The following MYO3A variants were observed in gnomAD, a reference collection of about 807,000 sequenced individuals.
The protein encoded by MYO3A is myosin IIIA.
In MYO3A, 180 loss-of-function variants were observed where a neutral mutation model predicts 192.7. That is an observed-to-expected ratio of 0.93 (90% CI 0.83 to 1.06). The LOEUF (loss-of-function observed/expected upper bound fraction) is 1.06, where lower values mean the gene tolerates loss of function less well. Ranked by LOEUF, MYO3A falls within the 50% of genes least tolerant of loss-of-function variation. The pLI is 0.00. For synonymous variants in MYO3A, 628 were observed against 645.3 expected (o/e 0.97, Z 0.41); for missense variants, 1,896 against 1,905.0 (o/e 1.00, Z 0.09).
intron 20 of MYO3A, among the ~76,000 whole-genome samples, chr10:26,133,312 A>G (rs149538295): frequency 2.2e-4 from 33 of 152,294 alleles, no homozygotes; most frequent in Non-Finnish European, 4.4e-4. Flanking sequence ...TATTCCTTAA[A>G]TGTTTCACAC....
intron 11 of MYO3A, among the ~76,000 whole-genome samples, chr10:26,068,217 T>A (rs1206228982): frequency 6.6e-6 from 1 of 152,162 alleles, no homozygotes; most frequent in African/African-American, 2.4e-5. Context: ...TGCTCCTCTC[T>A]TGTGTCATGT....
intron 12 of MYO3A, among the ~76,000 whole-genome samples, chr10:26,069,816 A>G (rs1370673598): frequency 6.6e-6 from 1 of 152,092 alleles, no homozygotes; most frequent in Non-Finnish European, 1.5e-5. Flanking sequence ...ATTTAAATAC[A>G]TAATGGAATT....
chr10:25,939,305 T>C (rs1188541347), intron 2 of MYO3A, among the ~76,000 whole-genome samples: 1 of 152,016 alleles, frequency 6.6e-6, no homozygotes, highest in Non-Finnish European at 1.5e-5. Flanking sequence ...AAATTATCTT[T>C]AAAGAACTAT....
intron 10 of MYO3A, among the ~76,000 whole-genome samples, chr10:26,038,028 G>A (rs760021395): frequency 2.0e-5 from 3 of 152,124 alleles, no homozygotes; most frequent in African/African-American, 4.8e-5. Context: ...TGGACTTATC[G>A]CTGGGTTCTC....
chr10:26,180,181 C>T (rs1197194927), intron 31 of MYO3A, among the ~76,000 whole-genome samples: 1 of 152,110 alleles, frequency 6.6e-6, no homozygotes, highest in Non-Finnish European at 1.5e-5. Context: ...GTATTTAATA[C>T]TAGCCAATGG....
intron 4 of MYO3A, among the ~76,000 whole-genome samples, chr10:25,991,092 T>A (rs537127570): frequency 7.3e-4 from 111 of 152,290 alleles, no homozygotes; most frequent in Non-Finnish European, 1.2e-3. Context: ...CACCACACTA[T>A]CTTCCACAAT....
At chr10:26,091,676 G>A (rs1200322379) in intron 15 of MYO3A, among the ~76,000 whole-genome samples, 2 of 152,214 alleles carry the variant, frequency 1.3e-5, no homozygotes, top group Non-Finnish European at 2.9e-5. Flanking sequence ...GCACCTTACA[G>A]CCATTATCTC....
rs564045052 is a variant in MYO3A, at chr10:26,167,697, G to T, written c.3112-1015G>T. On this transcript the variant is annotated intron_variant, in intron 27 of 34. Coordinates refer to ENST00000642920, the MANE Select transcript of MYO3A (RefSeq NM_017433.5). ...AAACAGATTGAATTTTAAATGAATT[G>T]TCAACAGCAGAATGGACTAAATGTA... Among the ~76,000 whole-genome samples the T allele has an allele frequency of 6.6e-5, 10 of 152,274 alleles. No individual in the cohort carries two copies. In the South Asian group the frequency reaches 2.1e-3, roughly 32 times the overall value.
chr10:26,041,331 T>C (rs1843334878), intron 10 of MYO3A, among the ~76,000 whole-genome samples: 1 of 147,104 alleles, frequency 6.8e-6, no homozygotes, highest in Non-Finnish European at 1.5e-5. Context: ...TGGTTTTAGT[T>C]TGGGTTTTTG....
intron 17 of MYO3A, among the ~76,000 whole-genome samples, 158 bp downstream of exon 17, chr10:26,096,840 AAGT>A (rs1837072425): frequency 6.6e-6 from 1 of 151,944 alleles, no homozygotes; most frequent in East Asian, 1.9e-4. Flanking sequence ...TTTACTTTAT[AAGT>A]GAAGAAATAG....
At chr10:25,968,977 C>A (rs557694961) in intron 4 of MYO3A, among the ~76,000 whole-genome samples, 6 of 152,202 alleles carry the variant, frequency 3.9e-5, no homozygotes, top group African/African-American at 1.4e-4. Flanking sequence ...TGGTGGCTCA[C>A]GCCTGTAATC....
At chr10:26,039,164 C>T (rs540992916) in intron 10 of MYO3A, among the ~76,000 whole-genome samples, 1 of 151,022 alleles carries the variant, frequency 6.6e-6, no homozygotes, top group East Asian at 2.0e-4. Flanking sequence ...CCTCAGCCTC[C>T]TGAACAGCTG....
In MYO3A at chr10:26,131,621, T is replaced by C. The variant is rs111844044; in HGVS notation, c.2262+3083T>C. On this transcript the variant is annotated intron_variant, in intron 20 of 34. Coordinates refer to ENST00000642920, the MANE Select transcript of MYO3A (RefSeq NM_017433.5). ...CTTTATTTTCCTTATTATCTAGATA[T>C]TTAGAATGTTAAGAGAGCTTGTGTA... Among the ~76,000 whole-genome samples the C allele has an allele frequency of 2.6e-4, 40 of 152,288 alleles. 1 individual carries two copies. The highest frequency in any genetic ancestry group is 9.4e-4 in the African/African-American group (39 of 41,564).
chr10:26,059,722 A>G (rs1216137717), intron 10 of MYO3A, among the ~76,000 whole-genome samples: 2 of 152,220 alleles, frequency 1.3e-5, no homozygotes, highest in Admixed American at 1.3e-4. Flanking sequence ...CACATCTCCC[A>G]CTAGTTTGAA....
At chr10:26,031,292 C>A (rs928192228) in intron 10 of MYO3A, among the ~76,000 whole-genome samples, 2 of 152,190 alleles carry the variant, frequency 1.3e-5, no homozygotes, top group Non-Finnish European at 2.9e-5. Flanking sequence ...ACTGTCCTTC[C>A]TCAAGAATCA....
At chr10:25,938,051 T>G (rs1836221855) in intron 2 of MYO3A, among the ~76,000 whole-genome samples, 1 of 152,230 alleles carries the variant, frequency 6.6e-6, no homozygotes, top group Admixed American at 6.5e-5. Flanking sequence ...AGACTAGTGT[T>G]TTACAGGGCA....
chr10:26,196,081 T>G (rs1026526152), intron 32 of MYO3A, among the ~76,000 whole-genome samples: 2 of 152,232 alleles, frequency 1.3e-5, no homozygotes, highest in Admixed American at 6.5e-5. Flanking sequence ...AGAAATGAAA[T>G]TGATTTTTTT....
chr10:26,002,390 C>T (rs749871218), intron 6 of MYO3A, among the ~76,000 whole-genome samples: 7 of 152,208 alleles, frequency 4.6e-5, no homozygotes, highest in African/African-American at 1.2e-4. Context: ...CAATGGTGAG[C>T]GCACACCTGC....
At position 25,995,978 on chromosome 10, in the gene MYO3A, C is replaced by T. The variant is rs770731731; in HGVS notation, c.304-512C>T. ...GACCCACTTGAGGAGGCAGTCTGTC[C>T]GTTCTCAGATCTTAAACTCCATGCT... is the stretch of plus-strand genomic sequence containing the variant. On this transcript the variant is annotated intron_variant, in intron 4 of 34. Coordinates refer to ENST00000642920, the MANE Select transcript of MYO3A (RefSeq NM_017433.5). 7.9e-5 allele frequency among the ~76,000 whole-genome samples: 12 copies of T among 152,340 alleles called. No homozygotes were observed. The South Asian group carries it at 8.3e-4, about 11-fold the overall frequency.
Sources: gnomAD v4.1 joint callset for allele counts (sites outside exome capture counted in the v4.1 genomes callset) on GRCh38, gnomAD v4.1.1 for gene constraint, MANE v1.5 for transcripts, NCBI Gene and HGNC (gene_info 2026-07-23, HGNC 2026-07-21) for gene names.